The following RAPGEF2 variants were observed in gnomAD, a reference collection of about 807,000 sequenced individuals.
RAPGEF2 encodes PDZ domain containing guanine nucleotide exchange factor (GEF) 1.
A neutral mutation model predicts 186.7 loss-of-function variants in RAPGEF2; 54 were observed. The ratio of observed to expected loss-of-function variants is 0.29; its 90% CI spans 0.23 to 0.36. The LOEUF (loss-of-function observed/expected upper bound fraction) is 0.36. RAPGEF2 is among the 10% of genes least tolerant of loss of function. The pLI, the probability that RAPGEF2 is intolerant of heterozygous loss-of-function variation, is 1.00. For missense variants in RAPGEF2, 1,532 were observed against 2,045.0 expected (o/e 0.75, Z 4.84); for synonymous variants, 712 against 705.9 (o/e 1.01, Z -0.14).
At chr4:159,183,639 T>C (rs1371276984) in intron 1 of RAPGEF2, among the ~76,000 whole-genome samples, 1 of 152,312 alleles carries the variant, frequency 6.6e-6, no homozygotes, top group East Asian at 1.9e-4. Flanking sequence ...GGAGAAGATA[T>C]TTACAAATTA....
chr4:159,289,827 G>A (rs760799424), intron 7 of RAPGEF2, among the ~76,000 whole-genome samples: 7 of 152,036 alleles, frequency 4.6e-5, no homozygotes, highest in Non-Finnish European at 5.9e-5. Flanking sequence ...TGTTCTTCCC[G>A]GAAGAGGGAA....
chr4:159,214,360 G>T (rs543848277), intron 4 of RAPGEF2, among the ~76,000 whole-genome samples: 1 of 152,150 alleles, frequency 6.6e-6, no homozygotes, highest in Non-Finnish European at 1.5e-5. Context: ...ATTTTCAAAG[G>T]CATCATTTGC....
At chr4:159,311,928 T>C (rs1402101881) in intron 8 of RAPGEF2, among the ~76,000 whole-genome samples, 2 of 152,198 alleles carry the variant, frequency 1.3e-5, no homozygotes, top group Non-Finnish European at 2.9e-5. Context: ...ATTTTTGGTT[T>C]AGTAAATGTT....
rs1299730096 is a variant in RAPGEF2 at position 159,107,956 on chromosome 4, T to C, written c.69+3725T>C. 3.3e-5 allele frequency among the ~76,000 whole-genome samples: 5 copies of C among 152,214 alleles called. No homozygotes were observed. In the East Asian group the frequency reaches 9.6e-4, roughly 29 times the overall value. Reference sequence around the variant, plus strand: ...AGCCCATTTTGGGGCTCTAGTAATATTTGTTTCTTAAATAGTTTTTGTTCA... The same window carrying C: ...AGCCCATTTTGGGGCTCTAGTAATACTTGTTTCTTAAATAGTTTTTGTTCA... On this transcript the variant is annotated intron_variant, in intron 1 of 29. Coordinates refer to ENST00000691494, the MANE Select transcript of RAPGEF2 (RefSeq NM_001394067.2).
chr4:159,104,530 G>GAGAGAGAGAGAC (rs1560964861), intron 1 of RAPGEF2, among the ~76,000 whole-genome samples: 1 of 121,412 alleles, frequency 8.2e-6, no homozygotes, highest in African/African-American at 3.5e-5. Flanking sequence ...GAGAGAGGGA[G>GAGAGAGAGAGAC]AGACAGAGAG....
intron 11 of RAPGEF2, among the ~76,000 whole-genome samples, chr4:159,324,584 A>G (rs182117578): frequency 1.3e-5 from 2 of 152,334 alleles, no homozygotes; most frequent in East Asian, 1.9e-4. Flanking sequence ...ATTTAAATAC[A>G]TATAAGAAAT....
intron 5 of RAPGEF2, among the ~76,000 whole-genome samples, chr4:159,239,476 A>G (rs527343561): frequency 2.0e-5 from 3 of 152,352 alleles, no homozygotes; most frequent in African/African-American, 4.8e-5. Flanking sequence ...TTTGGGGATT[A>G]TTATGCTGGT....
chr4:159,292,363 G>A (rs1325129946), intron 7 of RAPGEF2, among the ~76,000 whole-genome samples: 1 of 152,152 alleles, frequency 6.6e-6, no homozygotes, highest in Admixed American at 6.5e-5. Context: ...GCTTCTGCAG[G>A]GGTCAGGCCT....
intron 1 of RAPGEF2, among the ~76,000 whole-genome samples, chr4:159,140,465 G>T (rs888616881): frequency 6.6e-6 from 1 of 152,150 alleles, no homozygotes; most frequent in African/African-American, 2.4e-5. Flanking sequence ...TTTCTTAAAA[G>T]ATATTTTTTG....
intron 4 of RAPGEF2, among the ~76,000 whole-genome samples, chr4:159,228,957 C>T (rs1752328809): frequency 6.6e-6 from 1 of 152,136 alleles, no homozygotes; most frequent in South Asian, 2.1e-4. Context: ...CTTTTCCTCC[C>T]TAATTTAATT....
At chr4:159,126,943 A>G (rs1360761254) in intron 1 of RAPGEF2, among the ~76,000 whole-genome samples, 1 of 152,206 alleles carries the variant, frequency 6.6e-6, no homozygotes, top group Non-Finnish European at 1.5e-5. Context: ...TTCTGGGTAA[A>G]CTGCTCCTAC....
chr4:159,206,176 C>T (rs939687226), intron 3 of RAPGEF2, among the ~76,000 whole-genome samples: 2 of 152,212 alleles, frequency 1.3e-5, no homozygotes, highest in African/African-American at 4.8e-5. Context: ...GTGATCCACC[C>T]ACCTCTGCCT....
intron 3 of RAPGEF2, among the ~76,000 whole-genome samples, chr4:159,204,013 AG>A (rs563714487): frequency 0.011 from 1,703 of 152,292 alleles, 17 homozygotes; most frequent in Middle Eastern, 0.02. Flanking sequence ...GGGCTCTGCC[AG>A]GGGGTTTGGA....
intron 3 of RAPGEF2, among the ~76,000 whole-genome samples, chr4:159,200,721 G>T (rs1749311930): frequency 1.3e-5 from 2 of 151,956 alleles, no homozygotes; most frequent in South Asian, 4.2e-4. Flanking sequence ...AATTGCTATT[G>T]TTTGGAAAAT....
At chr4:159,293,531 T>C (rs1761516182) in intron 7 of RAPGEF2, among the ~76,000 whole-genome samples, 1 of 152,232 alleles carries the variant, frequency 6.6e-6, no homozygotes, top group Admixed American at 6.5e-5. Flanking sequence ...TCCCATGAAA[T>C]AGGATGTTAT....
At chr4:159,229,481 G>C (rs1752392086) in intron 4 of RAPGEF2, 1 of 152,204 alleles carries the variant, frequency 6.6e-6, no homozygotes, top group Non-Finnish European at 1.5e-5. Flanking sequence ...TACAACACCT[G>C]CAGCACCCTG....
intron 3 of RAPGEF2, among the ~76,000 whole-genome samples, chr4:159,205,061 A>G (rs183398930): frequency 8.9e-4 from 135 of 152,354 alleles, no homozygotes; most frequent in African/African-American, 2.9e-3. Flanking sequence ...AATACAATGT[A>G]TGTACCTAGT....
At chr4:159,197,864 C>T (rs1459475906) in intron 3 of RAPGEF2, among the ~76,000 whole-genome samples, 1 of 152,188 alleles carries the variant, frequency 6.6e-6, no homozygotes, top group Non-Finnish European at 1.5e-5. Flanking sequence ...TCTGTATCTG[C>T]ATTTACCTCT....
At chr4:159,168,364 C>T (rs1745550014) in intron 1 of RAPGEF2, among the ~76,000 whole-genome samples, 1 of 152,014 alleles carries the variant, frequency 6.6e-6, no homozygotes, top group South Asian at 2.1e-4. Flanking sequence ...CCTATGCGTG[C>T]ATTTGATAGC....
Sources: gnomAD v4.1 joint callset for allele counts (sites outside exome capture counted in the v4.1 genomes callset) on GRCh38, gnomAD v4.1.1 for gene constraint, MANE v1.5 for transcripts, NCBI Gene and HGNC (gene_info 2026-07-23, HGNC 2026-07-21) for gene names.